ETFDH: variants seen among roughly 807,000 people sequenced by gnomAD.
ETFDH encodes the protein electron transfer flavoprotein dehydrogenase, also known as electron transfer flavoprotein-ubiquinone oxidoreductase, mitochondrial.
In ETFDH, 61 loss-of-function variants were observed where a neutral mutation model predicts 73.2. The observed-to-expected ratio is 0.83, with a 90% CI of 0.68 to 1.03. The LOEUF (loss-of-function observed/expected upper bound fraction) is 1.03. ETFDH is among the 50% of genes least tolerant of loss of function. The pLI is 0.00. For missense variants in ETFDH, 685 were observed against 745.0 expected, an observed-to-expected ratio of 0.92 and a Z score of 0.94; for synonymous variants, 243 against 253.3, an observed-to-expected ratio of 0.96 and a Z score of 0.39.
chr4:158,706,098 A>T, intron 10 of ETFDH, 91 bp from the exon 11 acceptor site: 1 of 894,358 alleles, frequency 1.1e-6, no homozygotes, highest in Non-Finnish European at 1.9e-6. Flanking sequence ...GAAAAACTTC[A>T]CTCATCAGCT....
At chr4:158,682,449 A>C in intron 3 of ETFDH, 25 bp downstream of exon 3, 1 of 1,548,490 alleles carries the variant, frequency 6.5e-7, no homozygotes, top group Non-Finnish European at 8.9e-7. Context: ...TTTTTATACA[A>C]AGTCTAATCT....
chr4:158,697,663 G>GA lies in ETFDH; in HGVS notation c.938dup (p.Asn313LysfsTer2), dbSNP rs756165605. 6.2e-7 allele frequency: 1 copy of GA among 1,613,558 alleles called. No homozygotes were observed. Among genetic ancestry groups the GA allele is most frequent in the Non-Finnish European group, 8.5e-7 (1 of 1,179,750 alleles). ...ATGGAGGATCTTTCCTCTATCATTT[G>GA]AATGAAGGTGAACCCCTAGTAGCTC... On this transcript the variant is annotated frameshift_variant, in exon 8 of 13. Transcript: ENST00000511912. LOFTEE classifies it high-confidence loss of function.
intron 3 of ETFDH, 152 bp from the exon 4 acceptor site, chr4:158,684,440 C>A: frequency 3.6e-6 from 2 of 548,806 alleles, no homozygotes; most frequent in East Asian, 3.3e-5. Context: ...AGAAAGGATT[C>A]ACAGTGACAA....
rs116595611 is a variant in ETFDH, at chr4:158,689,352, G to T, written c.607-996G>T. 8.9e-3 allele frequency among the ~76,000 whole-genome samples: 1,348 copies of T among 151,650 alleles called. 21 individuals are homozygous for T. Among genetic ancestry groups the T allele is most frequent in the African/African-American group, 0.031 (1,281 of 41,320 alleles). On this transcript the variant is annotated intron_variant, in intron 5 of 12. Transcript: ENST00000511912. ...TTGTTAAACATTGTTGACTGGAATC[G>T]GTGTCAAAGTCACAGGTAGGTGGTT...
At chr4:158,700,954 TCA>T (rs1405537568) in intron 9 of ETFDH, 1 of 152,196 alleles carries the variant, frequency 6.6e-6, no homozygotes, top group Non-Finnish European at 1.5e-5. Context: ...TTCGAAACAT[TCA>T]GTTTTGTTTA....
chr4:158,708,589 C>T lies in ETFDH; in HGVS notation c.*62C>T. ...TAACGTTAAAATGTTTAGAGATTAA[C>T]AGATTTCAGAATGTCTTTCTGCATA... On this transcript the variant is annotated 3_prime_UTR_variant, in exon 13 of 13. Transcript: ENST00000511912. The T allele has an allele frequency of 7.4e-7, 1 of 1,345,928 alleles. No homozygotes were observed. Among genetic ancestry groups the T allele is most frequent in the Non-Finnish European group, 1.1e-6 (1 of 936,854 alleles). The allele number at this position is 1,345,928 out of a possible 1,614,324, so 83.4% of individuals were successfully genotyped here.
At chr4:158,676,619 A>G (rs897011495) in intron 1 of ETFDH, among the ~76,000 whole-genome samples, 28 of 152,236 alleles carry the variant, frequency 1.8e-4, no homozygotes, top group African/African-American at 6.8e-4. Context: ...CCAGGAATGA[A>G]CAAGGACTAC....
chr4:158,705,712 T>G (rs189292682), intron 10 of ETFDH, among the ~76,000 whole-genome samples: 2 of 152,380 alleles, frequency 1.3e-5, no homozygotes, highest in East Asian at 3.9e-4. Flanking sequence ...ATCTAATGGT[T>G]GTCTTTTTGG....
intron 9 of ETFDH, 61 bp downstream of exon 9, chr4:158,699,191 A>C (rs1205065031): frequency 7.4e-7 from 1 of 1,355,186 alleles, no homozygotes; most frequent in Non-Finnish European, 1.1e-6. Flanking sequence ...TTGAACATAT[A>C]ATGTAACAAA....
chr4:158,708,664 T>C lies in ETFDH; in HGVS notation c.*137T>C. 1.4e-6 allele frequency: 1 copy of C among 728,832 alleles called. No individual in the cohort carries two copies. Among genetic ancestry groups the C allele is most frequent in the South Asian group, 1.6e-5 (1 of 61,172 alleles). The allele number at this position is 728,832 out of a possible 1,614,324, so 45.1% of individuals were successfully genotyped here. A position where few individuals can be genotyped will look rare whatever the true frequency, so the allele number is the denominator to read the frequency against. On this transcript the variant is annotated 3_prime_UTR_variant, in exon 13 of 13. Coordinates refer to ENST00000511912, the MANE Select transcript of ETFDH (RefSeq NM_004453.4). ...TGATTATCAAATAAAAATTTTATAC[T>C]ATATGTAAGATTGTCCCATAAAGAA...
intron 5 of ETFDH, among the ~76,000 whole-genome samples, chr4:158,689,636 A>ATATATATT (rs765147554): frequency 0.029 from 1,867 of 63,584 alleles, 430 homozygotes; most frequent in African/African-American, 0.04. Context: ...ATATATATAT[A>ATATATATT]TTGTGGGGGG....
chr4:158,673,367 C>T, intron 1 of ETFDH, among the ~76,000 whole-genome samples: 1 of 152,204 alleles, frequency 6.6e-6, no homozygotes. Context: ...TGTGAACCAT[C>T]GTGACAGATG....
In ETFDH at chr4:158,682,281, A is replaced by G; in HGVS notation, c.262A>G (p.Lys88Glu). ...PAGLSAAVRL[K>E]QLAVAHEKDI... ...AGGGCTCTCTGCAGCTGTTCGTCTA[A>G]AACAGTTGGCTGTGGCACATGAAAA... Residue 88 changes from lysine to glutamate, a missense_variant, in exon 3 of 13, where the codon AAA (lysine) becomes GAA (glutamate). By Grantham distance (56) the Lys-to-Glu change is moderately conservative. Around this residue, in one of 3 missense-constraint regions of ETFDH, gnomAD observed 405 missense variants for 399.3 expected, o/e 1.01. Transcript: ENST00000511912. 1 of 1,614,182 alleles carries G rather than the reference A, an allele frequency of 6.2e-7. No homozygotes were observed. The highest frequency in any genetic ancestry group is 1.3e-5 in the African/African-American group (1 of 75,038).
Position 158,680,455 on chromosome 4 carries a change from AT to A in ETFDH, c.35-7del. On this transcript the variant is annotated splice_polypyrimidine_tract_variant and intron_variant, in intron 1 of 12. Coordinates refer to ENST00000511912, the MANE Select transcript of ETFDH (RefSeq NM_004453.4). ...TTTAAGGAAGATAATAATTTTCGTA[AT>A]TTTTGTGCAGCATATCAGTGCTTTC... 1 of 1,596,752 alleles carries A rather than the reference AT, an allele frequency of 6.3e-7. No homozygotes were observed. The highest frequency in any genetic ancestry group is 8.6e-7 in the Non-Finnish European group (1 of 1,164,612).
At chr4:158,703,328 T>G in intron 9 of ETFDH, 95 bp from the exon 10 acceptor site, 4 of 888,250 alleles carry the variant, frequency 4.5e-6, no homozygotes, top group Non-Finnish European at 7.6e-6. Context: ...AGCCTTTCCC[T>G]ACAGCTCTAG....
chr4:158,689,101 A>G (rs373265388), intron 5 of ETFDH, among the ~76,000 whole-genome samples: 1 of 152,206 alleles, frequency 6.6e-6, no homozygotes, highest in African/African-American at 2.4e-5. Context: ...AGAGAGACAA[A>G]TAAAGGATTT....
rs769963645 is a variant in ETFDH, at chr4:158,690,416, T to C, written c.675T>C (p.Gly225=). Residue 225 remains glycine, a synonymous_variant, in exon 6 of 13, where the codon GGT becomes GGC. Coordinates refer to ENST00000511912, the MANE Select transcript of ETFDH (RefSeq NM_004453.4). ...ATNDVGIQKD[G]APKATFERGL... Reference sequence around the variant, plus strand: ...ACGATGTAGGGATACAAAAGGATGGTGCACCAAAGGTAAACCTTTTTAATA... The same window carrying C: ...ACGATGTAGGGATACAAAAGGATGGCGCACCAAAGGTAAACCTTTTTAATA... The C allele has an allele frequency of 6.4e-7, 1 of 1,573,534 alleles. No individual in the cohort carries two copies. The highest frequency in any genetic ancestry group is 1.7e-5 in the Admixed American group (1 of 59,962).
At chr4:158,706,584 T>C in intron 11 of ETFDH, 45 bp from the exon 12 acceptor site, 1 of 1,511,430 alleles carries the variant, frequency 6.6e-7, no homozygotes, top group Non-Finnish European at 9.2e-7. Context: ...GAAAAAGTAC[T>C]TCAAAATCAT....
In ETFDH at chr4:158,702,293, A is replaced by G. The variant is rs180901155; in HGVS notation, c.1117-1130A>G. On this transcript the variant is annotated intron_variant, in intron 9 of 12. Transcript: ENST00000511912. Reference sequence around the variant, plus strand: ...GGTAATTAGTATACCCATCACTTCAAACCTTTGTCATTTGTGTTGGTAATA... The same window carrying G: ...GGTAATTAGTATACCCATCACTTCAGACCTTTGTCATTTGTGTTGGTAATA... Among the ~76,000 whole-genome samples, 691 of 152,186 alleles carry G rather than the reference A, an allele frequency of 4.5e-3. 3 individuals are homozygous for G. The highest frequency in any genetic ancestry group is 4.9e-3 in the Non-Finnish European group (330 of 68,010).
Sources: allele counts gnomAD v4.1 joint callset (sites outside exome capture counted in the v4.1 genomes callset), GRCh38; gene constraint gnomAD v4.1.1; regional missense constraint gnomAD v4.1.1; transcripts MANE v1.5; gene names NCBI Gene and HGNC (gene_info 2026-07-23, HGNC 2026-07-21).